Variants in HIVEP2 observed in about 807,000 individuals in gnomAD.
HIVEP2 encodes HIVEP zinc finger 2.
A neutral mutation model predicts 180.7 loss-of-function variants in HIVEP2; 14 were observed. The observed-to-expected ratio is 0.08, with a 90% CI of 0.05 to 0.12. The LOEUF (loss-of-function observed/expected upper bound fraction) is 0.12. Ranked by LOEUF, HIVEP2 falls within the 10% of genes least tolerant of loss-of-function variation. The pLI, the probability that HIVEP2 is intolerant of heterozygous loss-of-function variation, is 1.00. For missense variants in HIVEP2, 2,579 were observed against 3,008.5 expected, an observed-to-expected ratio of 0.86 and a Z score of 3.34; for synonymous variants, 1,184 against 1,136.4, an observed-to-expected ratio of 1.04 and a Z score of -0.84.
At chr6:142,787,721 C>T (rs567773948) in intron 2 of HIVEP2, among the ~76,000 whole-genome samples, 1 of 152,034 alleles carries the variant, frequency 6.6e-6, no homozygotes, top group Admixed American at 6.6e-5. Flanking sequence ...AGGATGATGA[C>T]TATAAGCTTA....
intron 1 of HIVEP2, among the ~76,000 whole-genome samples, chr6:142,898,718 A>G (rs1777060010): frequency 6.6e-6 from 1 of 152,140 alleles, no homozygotes; most frequent in South Asian, 2.1e-4. Flanking sequence ...CTTTTCTCAA[A>G]GGCCTGCTCA....
chr6:142,922,059 T>A (rs1777695497), intron 1 of HIVEP2, among the ~76,000 whole-genome samples: 1 of 151,918 alleles, frequency 6.6e-6, no homozygotes, highest in Non-Finnish European at 1.5e-5. Context: ...CTCCTCTCTG[T>A]CTAGTCCACA....
At chr6:142,847,444 G>T (rs184417728) in intron 1 of HIVEP2, among the ~76,000 whole-genome samples, 99 of 151,030 alleles carry the variant, frequency 6.6e-4, no homozygotes, top group African/African-American at 2.3e-3. Context: ...AGACGAAAAA[G>T]AGTTTAAGAG....
chr6:142,835,707 T>C (rs915115191), intron 2 of HIVEP2, among the ~76,000 whole-genome samples: 6 of 152,144 alleles, frequency 3.9e-5, no homozygotes, highest in Non-Finnish European at 1.5e-5. Flanking sequence ...ACCATGAACC[T>C]TACGGGCCAA....
intron 1 of HIVEP2, among the ~76,000 whole-genome samples, chr6:142,925,616 A>C (rs1777787992): frequency 6.6e-6 from 1 of 152,236 alleles, no homozygotes; most frequent in African/African-American, 2.4e-5. Flanking sequence ...TGCATAAGTA[A>C]GCTGAAAGTT....
intron 2 of HIVEP2, among the ~76,000 whole-genome samples, chr6:142,818,811 G>GA (rs568996762): frequency 1.4e-5 from 2 of 148,004 alleles, no homozygotes; most frequent in Non-Finnish European, 3.0e-5. Flanking sequence ...AAAAAGAAAA[G>GA]AAAAAAAAAG....
intron 2 of HIVEP2, among the ~76,000 whole-genome samples, chr6:142,826,662 A>G (rs927221615): frequency 6.6e-6 from 1 of 152,238 alleles, no homozygotes; most frequent in African/African-American, 2.4e-5. Context: ...GAGAATTTCT[A>G]CTACCATGAA....
intron 1 of HIVEP2, among the ~76,000 whole-genome samples, chr6:142,906,490 A>G (rs192721168): frequency 2.6e-5 from 4 of 152,028 alleles, no homozygotes; most frequent in African/African-American, 9.6e-5. Flanking sequence ...TTAAAATGCA[A>G]ACCAAAACAA....
intron 1 of HIVEP2, among the ~76,000 whole-genome samples, chr6:142,886,805 T>G (rs1450131466): frequency 6.6e-6 from 1 of 152,190 alleles, no homozygotes; most frequent in Non-Finnish European, 1.5e-5. Flanking sequence ...AAAACATGTT[T>G]AGGGCTTTAC....
chr6:142,774,882 AC>A lies in HIVEP2; in HGVS notation c.-145del. On this transcript the variant is annotated 5_prime_UTR_variant, in exon 5 of 10. It removes the in-frame stop codon of an upstream open reading frame in the 5' UTR. Coordinates refer to ENST00000367603, the MANE Select transcript of HIVEP2 (RefSeq NM_006734.4). This position sits in a 1 kb window ranked among gnomAD's most constrained non-coding sequence, Gnocchi z 5.1. The stretch of plus-strand genomic sequence containing the variant: ...TTGCTGATTGCTCCTTCTCTTTGGA[AC>A]CTTCCACACGCACACCACAGTCGAT... 6.7e-7 allele frequency: 1 copy of A among 1,502,206 alleles called. No individual in the cohort carries two copies. The highest frequency in any genetic ancestry group is 8.8e-7 in the Non-Finnish European group (1 of 1,134,992). The allele number at this position is 1,502,206 out of a possible 1,614,324, so 93.1% of individuals were successfully genotyped here. A position where few individuals can be genotyped will look rare whatever the true frequency, so the allele number is the denominator to read the frequency against.
intron 3 of HIVEP2, among the ~76,000 whole-genome samples, chr6:142,780,455 A>G (rs2114685594): frequency 6.6e-6 from 1 of 152,308 alleles, no homozygotes; most frequent in South Asian, 2.1e-4. Flanking sequence ...CTCCAACACT[A>G]TCCTTGGGGA....
chr6:142,889,230 T>C (rs1776791839), intron 1 of HIVEP2, among the ~76,000 whole-genome samples: 1 of 152,100 alleles, frequency 6.6e-6, no homozygotes, highest in Non-Finnish European at 1.5e-5. Context: ...TCCAGCATTT[T>C]GAGAGACTGG....
Position 142,917,159 on chromosome 6 carries a change from C to A in HIVEP2, c.-641+27940G>T, listed in dbSNP as rs529533381. Among the ~76,000 whole-genome samples, 3 of 152,226 alleles carry A rather than the reference C, an allele frequency of 2.0e-5. No homozygotes were observed. In the South Asian group the frequency reaches 6.2e-4, roughly 32 times the overall value. ...GATAACTTCTTTGCTACTCTTATTC[C>A]AATAGTCCAAAAACAAGTAAATAAA... On this transcript the variant is annotated intron_variant, in intron 1 of 9. Coordinates refer to ENST00000367603, the MANE Select transcript of HIVEP2 (RefSeq NM_006734.4).
intron 1 of HIVEP2, among the ~76,000 whole-genome samples, chr6:142,917,323 T>A (rs917413200): frequency 6.6e-6 from 1 of 152,196 alleles, no homozygotes; most frequent in African/African-American, 2.4e-5. Flanking sequence ...CCAACCCTAT[T>A]AAACAATTTT....
Position 142,774,216 on chromosome 6 carries a change from C to T in HIVEP2, c.523G>A (p.Glu175Lys). ...GGTTTGTGCTCTTTCTTGTGAGCCTCTTCTGCCTGTTCAATACTTTTCTGG... is the reference window on the plus strand; with the variant it reads ...GGTTTGTGCTCTTTCTTGTGAGCCTTTTCTGCCTGTTCAATACTTTTCTGG... Reference protein sequence around the residue: ...YSQKSIEQAEEAHKKEHKPKK... With the variant: ...YSQKSIEQAEKAHKKEHKPKK... The change falls in exon 5 of 10, where the codon GAG becomes AAG. Residue 175 changes from glutamate to lysine, a missense_variant. Physicochemically the swap from Glu to Lys is moderately conservative, Grantham distance 56 (BLOSUM62 1). This residue lies in a region of HIVEP2 where 207 missense variants were observed against 210.1 expected (regional missense o/e 0.99). Coordinates refer to ENST00000367603, the MANE Select transcript of HIVEP2 (RefSeq NM_006734.4). This position sits in a 1 kb window ranked among gnomAD's most constrained non-coding sequence, Gnocchi z 5.1. 1 of 1,614,142 alleles carries T rather than the reference C, an allele frequency of 6.2e-7. No individual in the cohort carries two copies. The highest frequency in any genetic ancestry group is 8.5e-7 in the Non-Finnish European group (1 of 1,180,048).
At chr6:142,791,294 T>C (rs197511) in intron 2 of HIVEP2, among the ~76,000 whole-genome samples, 80,170 of 151,938 alleles carry the variant, frequency 0.53, 21,991 homozygotes, top group Non-Finnish European at 0.6. Context: ...AGGAACCATA[T>C]GATCAAAAAT....
At chr6:142,925,248 A>G (rs940276394) in intron 1 of HIVEP2, among the ~76,000 whole-genome samples, 3 of 152,240 alleles carry the variant, frequency 2.0e-5, no homozygotes, top group African/African-American at 7.2e-5. Context: ...TTCTAGTTTT[A>G]TGAAACTTTG....
At position 142,774,148 on chromosome 6, in the gene HIVEP2, C is replaced by G; in HGVS notation, c.591G>C (p.Ala197=). Residue 197 remains alanine (A), a synonymous_variant, in exon 5 of 10, where the codon GCG becomes GCC. Coordinates refer to ENST00000367603, the MANE Select transcript of HIVEP2 (RefSeq NM_006734.4). This position sits in a 1 kb window ranked among gnomAD's most constrained non-coding sequence, Gnocchi z 5.1. ...TTTTCAGTACACTAGGTTTGGCACA[C>G]GCTCTGCTGCAGTAAGGGCAAATGT... ...GKYICPYCSR[A]CAKPSVLKKH... is the part of the protein sequence containing the mutation. 2 of 1,614,150 alleles carry G rather than the reference C, an allele frequency of 1.2e-6. No homozygotes were observed. The highest frequency in any genetic ancestry group is 1.7e-6 in the Non-Finnish European group (2 of 1,180,036).
At chr6:142,782,304 A>G (rs1394662431) in intron 3 of HIVEP2, among the ~76,000 whole-genome samples, 2 of 152,172 alleles carry the variant, frequency 1.3e-5, no homozygotes, top group Non-Finnish European at 2.9e-5. Flanking sequence ...TCAGTTGTAA[A>G]ATCTTTAAAA....
Sources: allele counts gnomAD v4.1 joint callset (sites outside exome capture counted in the v4.1 genomes callset), GRCh38; gene constraint gnomAD v4.1.1; regional missense constraint gnomAD v4.1.1; non-coding constraint Gnocchi (gnomAD v3.1); transcripts MANE v1.5; gene names NCBI Gene and HGNC (gene_info 2026-07-23, HGNC 2026-07-21).